SASH1: variants seen among roughly 807,000 people sequenced by gnomAD.
SASH1 encodes SAM and SH3 domain-containing protein 1.
SASH1 carries 44 observed loss-of-function variants against 125.2 expected under a neutral mutation model. The observed-to-expected ratio is 0.35, with a 90% CI of 0.28 to 0.45. The LOEUF is 0.45. Among genes scored for constraint, SASH1 ranks in the 20% least tolerant of loss-of-function variants. The probability of loss-of-function intolerance (pLI) is 1.00; values close to 1 mark genes in which losing one functional copy is unlikely to be tolerated. For missense variants in SASH1, 1,426 were observed against 1,614.5 expected, an observed-to-expected ratio of 0.88 and a Z score of 2.00; for synonymous variants, 639 against 649.1, an observed-to-expected ratio of 0.98 and a Z score of 0.24.
chr6:148,416,644 C>G (rs1290575979), intron 2 of SASH1, among the ~76,000 whole-genome samples: 2 of 152,200 alleles, frequency 1.3e-5, no homozygotes, highest in Non-Finnish European at 2.9e-5. Flanking sequence ...ACGCCACCAG[C>G]TCAGAACAGT....
At position 148,549,730 on chromosome 6, in the gene SASH1, A is replaced by G. The variant is rs182962762; in HGVS notation, c.*1172A>G. The G allele has an allele frequency of 2.5e-6, 1 of 396,170 alleles. No homozygotes were observed. Among genetic ancestry groups the G allele is most frequent in the African/African-American group, 2.1e-5 (1 of 48,668 alleles). The allele number at this position is 396,170 out of a possible 1,614,324, so 24.5% of individuals were successfully genotyped here. ...CTTTTAATTTAAACAAAGGTTCACT[A>G]TGGAACCAGACAAATCTCATTAGCC... On this transcript the variant is annotated 3_prime_UTR_variant, in exon 20 of 20. Transcript: ENST00000367467.
intron 1 of SASH1, among the ~76,000 whole-genome samples, chr6:148,366,094 TAGAGTGAAACTCTGTCTCAAAA>T (rs1209521412): frequency 2.7e-5 from 4 of 150,772 alleles, no homozygotes; most frequent in Admixed American, 2.6e-4. Flanking sequence ...GCCTGGGGGA[TAGAGTGAAACTCTGTCTCAAAA>T]AAGAAAAGAA....
At chr6:148,289,093 G>A (rs918834934) in intron 1 of SASH1, among the ~76,000 whole-genome samples, 2 of 151,886 alleles carry the variant, frequency 1.3e-5, no homozygotes, top group Non-Finnish European at 2.9e-5. Flanking sequence ...CAAGTCTCCT[G>A]CCTCAGCCTC....
chr6:148,352,170 A>G (rs1361706199), intron 1 of SASH1, among the ~76,000 whole-genome samples: 5 of 152,212 alleles, frequency 3.3e-5, no homozygotes, highest in Non-Finnish European at 7.3e-5. Flanking sequence ...TTTGAGTTCA[A>G]ATTGTGGCTT....
chr6:148,201,021 T>G, the SASH1 span, among the ~76,000 whole-genome samples: 1 of 152,180 alleles, frequency 6.6e-6, no homozygotes, highest in African/African-American at 2.4e-5. Flanking sequence ...TCACTTATGC[T>G]GTTGTATTCA....
chr6:148,375,089 C>G (rs1040255023), intron 1 of SASH1, among the ~76,000 whole-genome samples: 5 of 152,002 alleles, frequency 3.3e-5, no homozygotes, highest in African/African-American at 1.2e-4. Flanking sequence ...CTCCTGGGCT[C>G]AGGTCATCCT....
At position 148,532,577 on chromosome 6, in the gene SASH1, G is replaced by T. The variant is rs542888413; in HGVS notation, c.1565-220G>T. Reference sequence around the variant, plus strand: ...CGTGCCACATGGATTCCCAGGTCATGAGGGTAACTTGCTGTGAGTCCCCTG... The same window carrying T: ...CGTGCCACATGGATTCCCAGGTCATTAGGGTAACTTGCTGTGAGTCCCCTG... On this transcript the variant is annotated intron_variant, in intron 13 of 19. Transcript: ENST00000367467. The surrounding 1 kb of genome is among the most constrained non-coding windows in gnomAD (Gnocchi z 4.7). Among the ~76,000 whole-genome samples the T allele has an allele frequency of 6.6e-6, 1 of 152,320 alleles. No individual in the cohort carries two copies. Among genetic ancestry groups the T allele is most frequent in the South Asian group, 2.1e-4 (1 of 4,822 alleles).
rs13198122 is a variant in SASH1 at position 148,302,188 on chromosome 6, G to A, written n.74+29811G>A. ...AAATTAGCCGGGCGTGGTGGCGGGC[G>A]CCTGTAGTCCCAGCTACTCGGGAGG... On this transcript the variant is annotated intron_variant and non_coding_transcript_variant, in intron 1 of 3. Transcript: ENST00000367469. Among the ~76,000 whole-genome samples, 8 of 151,008 alleles carry A rather than the reference G, an allele frequency of 5.3e-5. No individual in the cohort carries two copies. In the South Asian group the frequency reaches 6.3e-4, roughly 12 times the overall value.
chr6:148,263,330 G>A, the SASH1 span, among the ~76,000 whole-genome samples: 2 of 152,160 alleles, frequency 1.3e-5, no homozygotes, highest in East Asian at 3.9e-4. Flanking sequence ...CGTGTCCTGG[G>A]GAAGCAGAAG....
At chr6:148,381,875 AT>A (rs1783154288) in intron 1 of SASH1, among the ~76,000 whole-genome samples, 1 of 151,824 alleles carries the variant, frequency 6.6e-6, no homozygotes, top group South Asian at 2.1e-4. Context: ...ACCTCAAGTG[AT>A]TCACCCACCT....
At chr6:148,422,343 G>A (rs1436330714) in intron 2 of SASH1, among the ~76,000 whole-genome samples, 2 of 152,212 alleles carry the variant, frequency 1.3e-5, no homozygotes, top group Non-Finnish European at 2.9e-5. Context: ...TCAGTGATCC[G>A]TGTGAATTTA....
chr6:148,392,958 A>C (rs993150310), intron 2 of SASH1, among the ~76,000 whole-genome samples: 1 of 152,086 alleles, frequency 6.6e-6, no homozygotes, highest in East Asian at 1.9e-4. Flanking sequence ...ATAGTTAATG[A>C]AAAAATACTC....
intron 11 of SASH1, among the ~76,000 whole-genome samples, chr6:148,525,883 G>A (rs1338502867): frequency 1.3e-5 from 2 of 151,920 alleles, no homozygotes; most frequent in Non-Finnish European, 2.9e-5. Flanking sequence ...CAGTCTCTGT[G>A]GGACCAAAGC....
the SASH1 span, among the ~76,000 whole-genome samples, chr6:148,208,269 A>T: frequency 1.3e-5 from 2 of 152,218 alleles, no homozygotes; most frequent in African/African-American, 2.4e-5. Context: ...GGCCAGTGCG[A>T]TGCTAAGGGA....
chr6:148,482,706 T>TTTTTTTTTTTTTTA (rs1778681819), intron 7 of SASH1, among the ~76,000 whole-genome samples: 1 of 144,428 alleles, frequency 6.9e-6, no homozygotes, highest in Non-Finnish European at 1.5e-5. Flanking sequence ...TTTTTTTTTT[T>TTTTTTTTTTTTTTA]GAGAGAGAGT....
the SASH1 span, among the ~76,000 whole-genome samples, chr6:148,229,266 A>G: frequency 5.3e-5 from 8 of 152,216 alleles, 1 homozygote; most frequent in East Asian, 1.3e-3. Context: ...CAAGTACAGG[A>G]TAGAATTGCC....
At chr6:148,340,490 C>CAATAA, upstream of SASH1, among the ~76,000 whole-genome samples, 1 of 117,310 alleles carries the variant, frequency 8.5e-6, no homozygotes, top group Non-Finnish European at 1.8e-5. Context: ...GACTCTGTCT[C>CAATAA]AAAAAAAAAA....
upstream of SASH1, among the ~76,000 whole-genome samples, chr6:148,339,074 G>A (rs1003655219): frequency 6.6e-6 from 1 of 151,390 alleles, no homozygotes; most frequent in Non-Finnish European, 1.5e-5. Context: ...AGAAAGGAGT[G>A]ACAAGTGACA....
the SASH1 span, among the ~76,000 whole-genome samples, chr6:148,211,812 C>T: frequency 1.8e-4 from 27 of 152,136 alleles, no homozygotes; most frequent in African/African-American, 1.9e-4. Flanking sequence ...TGGCCTGTGA[C>T]GGCTGCTCCC....
Sources: allele counts gnomAD v4.1 joint callset (sites outside exome capture counted in the v4.1 genomes callset), GRCh38; gene constraint gnomAD v4.1.1; non-coding constraint Gnocchi (gnomAD v3.1); transcripts MANE v1.5; gene names NCBI Gene and HGNC (gene_info 2026-07-23, HGNC 2026-07-21).